The following ARID4B variants were observed in gnomAD, a reference collection of about 807,000 sequenced individuals.
The protein encoded by ARID4B is AT-rich interaction domain 4B.
In ARID4B, 26 loss-of-function variants were observed where a neutral mutation model predicts 147.5. The ratio of observed to expected loss-of-function variants is 0.18; its 90% CI spans 0.13 to 0.24. ARID4B has a LOEUF of 0.24. ARID4B is among the 10% of genes least tolerant of loss of function. ARID4B has a pLI of 1.00. For synonymous variants in ARID4B, 512 were observed against 507.9 expected (o/e 1.01, Z -0.11); for missense variants, 1,179 against 1,511.5 (o/e 0.78, Z 3.65).
chr1:235,215,621 C>T (rs889019817), intron 16 of ARID4B, among the ~76,000 whole-genome samples: 3 of 148,556 alleles, frequency 2.0e-5, no homozygotes, highest in Non-Finnish European at 4.5e-5. Flanking sequence ...CTCACTGTGT[C>T]ATCCAGGTTG....
At position 235,326,688 on chromosome 1, in the gene ARID4B, T is replaced by C; in HGVS notation, c.6+226A>G. The C allele has an allele frequency of 5.4e-6, 3 of 559,778 alleles. No individual in the cohort carries two copies. The South Asian group carries it at 6.1e-5, about 11-fold the overall frequency. The allele number at this position is 559,778 out of a possible 1,614,324, so 34.7% of individuals were successfully genotyped here. ...TCTCATTCCCTACAAAAAGAGATGT[T>C]CAATATGGGAGAATCATCTTCAGTT... is the stretch of plus-strand genomic sequence containing the variant. On this transcript the variant is annotated intron_variant, in intron 2 of 23. Coordinates refer to ENST00000264183, the MANE Select transcript of ARID4B (RefSeq NM_016374.6).
chr1:235,196,169 C>T, intron 17 of ARID4B, 54 bp from the exon 18 acceptor site: 1 of 889,926 alleles, frequency 1.1e-6, no homozygotes, highest in South Asian at 1.8e-5. Flanking sequence ...ACGGAAATAA[C>T]CTATGCCATA....
intron 2 of ARID4B, among the ~76,000 whole-genome samples, chr1:235,311,343 C>T (rs1038742573): frequency 7.0e-6 from 1 of 142,812 alleles, no homozygotes; most frequent in African/African-American, 2.6e-5. Context: ...CAGAGCAAGA[C>T]CCTGTCTCAA....
chr1:235,256,328 A>AG (rs1240594479), intron 4 of ARID4B, among the ~76,000 whole-genome samples: 3 of 152,150 alleles, frequency 2.0e-5, no homozygotes, highest in Non-Finnish European at 4.4e-5. Context: ...GGGAACCCCC[A>AG]GGGTCAGTAG....
At chr1:235,294,357 G>C (rs1266112859) in intron 2 of ARID4B, among the ~76,000 whole-genome samples, 20 of 125,700 alleles carry the variant, frequency 1.6e-4, no homozygotes, top group Admixed American at 9.7e-4. Context: ...CTGTCACCCA[G>C]GCTGGAGTGC....
chr1:235,218,474 A>G (rs1046946766), intron 16 of ARID4B, among the ~76,000 whole-genome samples: 1 of 152,202 alleles, frequency 6.6e-6, no homozygotes, highest in African/African-American at 2.4e-5. Flanking sequence ...CTGAATCTTT[A>G]TTAAGATTCT....
At position 235,194,847 on chromosome 1, in the gene ARID4B, T is replaced by C. The variant is rs185299746; in HGVS notation, c.1927-636A>G. On this transcript the variant is annotated intron_variant, in intron 18 of 23. Coordinates refer to ENST00000264183, the MANE Select transcript of ARID4B (RefSeq NM_016374.6). ...AAAAACAAGAAAAAAAAGAAACGAT[T>C]GCAACGTGGTCATTTTAAAATCTCA... Among the ~76,000 whole-genome samples, 477 of 152,088 alleles carry C rather than the reference T, an allele frequency of 3.1e-3. 1 individual carries two copies. Among genetic ancestry groups the C allele is most frequent in the Non-Finnish European group, 5.8e-3 (391 of 67,964 alleles).
At chr1:235,264,454 T>G (rs1447222651) in intron 2 of ARID4B, among the ~76,000 whole-genome samples, 1 of 152,218 alleles carries the variant, frequency 6.6e-6, no homozygotes, top group East Asian at 1.9e-4. Context: ...TAACATGAGG[T>G]AATAGAGCAG....
At chr1:235,234,096 C>A (rs2103055920) in intron 9 of ARID4B, among the ~76,000 whole-genome samples, 1 of 152,110 alleles carries the variant, frequency 6.6e-6, no homozygotes, top group South Asian at 2.1e-4. Context: ...ACAAAAAAAT[C>A]AATAAAGTAT....
chr1:235,325,765 A>G (rs1046288834), intron 2 of ARID4B, among the ~76,000 whole-genome samples: 6 of 152,204 alleles, frequency 3.9e-5, no homozygotes, highest in African/African-American at 1.4e-4. Context: ...GGTAGTTTAC[A>G]GCATCCCAAA....
chr1:235,314,740 A>T (rs1049889754), intron 2 of ARID4B, among the ~76,000 whole-genome samples: 1 of 152,120 alleles, frequency 6.6e-6, no homozygotes, highest in African/African-American at 2.4e-5. Context: ...TAAATGATAT[A>T]TAACAATATA....
intron 20 of ARID4B, chr1:235,181,292 T>C (rs1412450729): frequency 3.0e-5 from 17 of 560,158 alleles, no homozygotes; most frequent in African/African-American, 5.8e-5. Context: ...CCACTGCATA[T>C]AATGAATTCT....
chr1:235,183,037 C>A (rs1664427445), intron 19 of ARID4B, among the ~76,000 whole-genome samples: 2 of 151,454 alleles, frequency 1.3e-5, no homozygotes, highest in Admixed American at 6.6e-5. Flanking sequence ...CAAAACCCAT[C>A]ACATTTTAAA....
rs367900347 is a variant in ARID4B, at chr1:235,210,230, C to G, written c.1841+3539G>C. 2.6e-5 allele frequency among the ~76,000 whole-genome samples: 4 copies of G among 151,922 alleles called. No homozygotes were observed. The South Asian group carries it at 6.2e-4, about 24-fold the overall frequency. Reference sequence around the variant, plus strand: ...ACAGAACAAGGTCCTGTCTGTCTCTCTCTTTTTTTTTAATCTGAAATACTT... The same window carrying G: ...ACAGAACAAGGTCCTGTCTGTCTCTGTCTTTTTTTTTAATCTGAAATACTT... On this transcript the variant is annotated intron_variant, in intron 17 of 23. Coordinates refer to ENST00000264183, the MANE Select transcript of ARID4B (RefSeq NM_016374.6).
intron 17 of ARID4B, among the ~76,000 whole-genome samples, chr1:235,200,180 C>A (rs771844831): frequency 6.6e-6 from 1 of 151,746 alleles, no homozygotes; most frequent in Non-Finnish European, 1.5e-5. Context: ...TTAGGCCGGG[C>A]GCAGTGGCTC....
intron 3 of ARID4B, among the ~76,000 whole-genome samples, chr1:235,259,505 CATTGATA>C (rs562314899): frequency 2.4e-3 from 366 of 152,324 alleles, no homozygotes; most frequent in Non-Finnish European, 4.1e-3. Flanking sequence ...AAAGTACAAA[CATTGATA>C]AAAGGCTTTC....
chr1:235,208,019 T>C (rs1184670903), intron 17 of ARID4B, among the ~76,000 whole-genome samples: 1 of 152,224 alleles, frequency 6.6e-6, no homozygotes, highest in Non-Finnish European at 1.5e-5. Context: ...TGGGTTCCCA[T>C]TAATGCAGCT....
chr1:235,260,836 G>GT (rs1670248609), intron 2 of ARID4B, 84 bp from the exon 3 acceptor site: 1 of 879,378 alleles, frequency 1.1e-6, no homozygotes, highest in African/African-American at 1.7e-5. Flanking sequence ...GCCTAATCTT[G>GT]TTAAGCTACA....
intron 7 of ARID4B, among the ~76,000 whole-genome samples, chr1:235,242,590 C>A (rs996476152): frequency 1.3e-5 from 2 of 152,162 alleles, no homozygotes; most frequent in African/African-American, 2.4e-5. Context: ...TAGAAAGCTA[C>A]AATGTCAGAG....
Sources: allele counts gnomAD v4.1 joint callset (sites outside exome capture counted in the v4.1 genomes callset), GRCh38; gene constraint gnomAD v4.1.1; transcripts MANE v1.5; gene names NCBI Gene and HGNC (gene_info 2026-07-23, HGNC 2026-07-21).